Variants in HSD17B12 observed in about 807,000 individuals in gnomAD.
The protein encoded by HSD17B12 is hydroxysteroid 17-beta dehydrogenase 12, also known as very-long-chain 3-oxoacyl-CoA reductase.
A neutral mutation model predicts 39.3 loss-of-function variants in HSD17B12; 32 were observed. The observed-to-expected ratio is 0.81, with a 90% confidence interval of 0.61 to 1.09. The LOEUF (loss-of-function observed/expected upper bound fraction) is 1.09, where lower values mean the gene tolerates loss of function less well. Among genes scored for constraint, HSD17B12 ranks in the 50% least tolerant of loss-of-function variants. The pLI, the probability that HSD17B12 is intolerant of heterozygous loss-of-function variation, is 0.00. For synonymous variants in HSD17B12, 150 were observed against 146.7 expected (o/e 1.02, Z -0.16); for missense variants, 342 against 382.9 (o/e 0.89, Z 0.89).
At chr11:43,637,514 C>T in the HSD17B12 span, among the ~76,000 whole-genome samples, 1 of 152,112 alleles carries the variant, frequency 6.6e-6, no homozygotes, top group Non-Finnish European at 1.5e-5. Context: ...AGCCACCGTG[C>T]CTGGCTGACA....
At chr11:43,775,379 G>T (rs536369504) in intron 3 of HSD17B12, among the ~76,000 whole-genome samples, 6 of 152,162 alleles carry the variant, frequency 3.9e-5, no homozygotes, top group Non-Finnish European at 5.9e-5. Flanking sequence ...GCTGATGAGC[G>T]ACAGATGCAG....
chr11:43,737,545 TA>T (rs1010906829), intron 1 of HSD17B12, among the ~76,000 whole-genome samples: 4 of 152,198 alleles, frequency 2.6e-5, no homozygotes, highest in Admixed American at 6.5e-5. Flanking sequence ...TATGAAGACA[TA>T]AGCCTTTTTA....
At chr11:43,814,015 T>G (rs891365299) in intron 4 of HSD17B12, among the ~76,000 whole-genome samples, 1 of 152,200 alleles carries the variant, frequency 6.6e-6, no homozygotes, top group African/African-American at 2.4e-5. Context: ...ATTACTAATA[T>G]CAGGTTTATA....
chr11:43,774,168 T>C (rs1565083779), intron 3 of HSD17B12, among the ~76,000 whole-genome samples: 1 of 152,190 alleles, frequency 6.6e-6, no homozygotes, highest in Non-Finnish European at 1.5e-5. Context: ...TTTCCAATTT[T>C]TTTAAAGAAT....
At chr11:43,846,432 G>A (rs1354796222) in intron 9 of HSD17B12, among the ~76,000 whole-genome samples, 2 of 152,228 alleles carry the variant, frequency 1.3e-5, no homozygotes, top group Non-Finnish European at 1.5e-5. Flanking sequence ...GGGAGGCTGA[G>A]GCAGGCAGAT....
chr11:43,587,807 G>A, the HSD17B12 span, among the ~76,000 whole-genome samples: 1 of 152,196 alleles, frequency 6.6e-6, no homozygotes, highest in Non-Finnish European at 1.5e-5. Context: ...CACAATGCCA[G>A]GGCTCACAGC....
intron 6 of HSD17B12, among the ~76,000 whole-genome samples, chr11:43,822,126 A>T (rs1951188785): frequency 6.6e-6 from 1 of 152,142 alleles, no homozygotes; most frequent in South Asian, 2.1e-4. Context: ...AGTAGACAGG[A>T]TGTTCTTACC....
intron 4 of HSD17B12, among the ~76,000 whole-genome samples, chr11:43,809,979 A>G (rs1044026589): frequency 1.3e-5 from 2 of 152,142 alleles, no homozygotes. Context: ...ACTTTGCATT[A>G]TTTGATGTAT....
At chr11:43,557,591 G>A in the HSD17B12 span, among the ~76,000 whole-genome samples, 5 of 152,282 alleles carry the variant, frequency 3.3e-5, no homozygotes, top group South Asian at 2.1e-4. Context: ...AAATGTTTCC[G>A]TTGCAAGAGC....
chr11:43,690,225 C>T (rs960930425), intron 1 of HSD17B12, among the ~76,000 whole-genome samples: 7 of 151,134 alleles, frequency 4.6e-5, no homozygotes, highest in Non-Finnish European at 7.4e-5. Flanking sequence ...TATGATGTTT[C>T]TGTTAGAATG....
At chr11:43,812,988 C>T (rs1367021087) in intron 4 of HSD17B12, among the ~76,000 whole-genome samples, 5 of 152,192 alleles carry the variant, frequency 3.3e-5, no homozygotes, top group Non-Finnish European at 5.9e-5. Context: ...ACTACAGGCA[C>T]GTGCCATCGT....
chr11:43,712,841 C>T (rs1815313768), intron 1 of HSD17B12, among the ~76,000 whole-genome samples: 1 of 152,090 alleles, frequency 6.6e-6, no homozygotes, highest in Admixed American at 6.6e-5. Flanking sequence ...AATGAGTTAT[C>T]CTTCATTGGA....
chr11:43,805,961 G>A (rs538220332), intron 4 of HSD17B12, among the ~76,000 whole-genome samples: 97 of 152,280 alleles, frequency 6.4e-4, no homozygotes, highest in African/African-American at 2.2e-3. Context: ...TCATGATCTT[G>A]TAGTTTTATT....
the HSD17B12 span, among the ~76,000 whole-genome samples, chr11:43,558,383 C>T: frequency 2.6e-5 from 4 of 151,320 alleles, no homozygotes; most frequent in Non-Finnish European, 5.9e-5. Flanking sequence ...CTGGTGTTGG[C>T]CAAACCTCAT....
intron 7 of HSD17B12, among the ~76,000 whole-genome samples, chr11:43,836,058 A>G (rs75221147): frequency 1.3e-5 from 2 of 152,168 alleles, no homozygotes. Context: ...CCTTTTACAG[A>G]TTTTTAAATT....
intron 1 of HSD17B12, 87 bp downstream of exon 1, chr11:43,681,074 T>A (rs1949739596): frequency 7.8e-6 from 11 of 1,416,890 alleles, no homozygotes; most frequent in Non-Finnish European, 9.2e-6. Flanking sequence ...GGTCTGCTCC[T>A]GGCCTTCCCC....
At chr11:43,662,888 A>G in the HSD17B12 span, among the ~76,000 whole-genome samples, 1 of 152,200 alleles carries the variant, frequency 6.6e-6, no homozygotes, top group African/African-American at 2.4e-5. Flanking sequence ...AAATTATTTG[A>G]CTAGTCTTCA....
the HSD17B12 span, among the ~76,000 whole-genome samples, chr11:43,628,220 C>G: frequency 2.0e-5 from 3 of 151,800 alleles, no homozygotes; most frequent in Non-Finnish European, 4.4e-5. Flanking sequence ...CTTTTGCTAT[C>G]CAAATGTTAC....
intron 1 of HSD17B12, among the ~76,000 whole-genome samples, chr11:43,727,178 C>T (rs2134878978): frequency 6.6e-6 from 1 of 152,270 alleles, no homozygotes; most frequent in South Asian, 2.1e-4. Flanking sequence ...GGCCAAGAGG[C>T]CCCCTGAAGC....
Sources: gnomAD v4.1 joint callset for allele counts (sites outside exome capture counted in the v4.1 genomes callset) on GRCh38, gnomAD v4.1.1 for gene constraint, MANE v1.5 for transcripts, NCBI Gene and HGNC (gene_info 2026-07-23, HGNC 2026-07-21) for gene names.